KDM2B: variants seen among roughly 807,000 people sequenced by gnomAD.
KDM2B encodes the protein lysine-specific demethylase 2B.
Under a neutral mutation model 150.0 loss-of-function variants are expected in KDM2B, and 26 were observed. That is an observed-to-expected ratio of 0.17 (90% CI 0.13 to 0.24). KDM2B has a LOEUF of 0.24. Ranked by LOEUF, KDM2B falls within the 10% of genes least tolerant of loss-of-function variation. The pLI, the probability that KDM2B is intolerant of heterozygous loss-of-function variation, is 1.00. For synonymous variants in KDM2B, 734 were observed against 729.5 expected, an observed-to-expected ratio of 1.01 and a Z score of -0.10; for missense variants, 1,265 against 1,816.9, an observed-to-expected ratio of 0.70 and a Z score of 5.52.
At chr12:121,420,488 T>A in the KDM2B span, 1 of 1,574,362 alleles carries the variant, frequency 6.4e-7, no homozygotes, top group Non-Finnish European at 8.7e-7. Flanking sequence ...CTGAGATGGC[T>A]GGGAGAATAT....
At chr12:121,418,023 A>G in the KDM2B span, 1 of 1,159,102 alleles carries the variant, frequency 8.6e-7, no homozygotes. Flanking sequence ...CATGTGCTGG[A>G]GTGAAGCTTC....
At position 121,445,224 on chromosome 12, in the gene KDM2B, C is replaced by A. The variant is rs7954896; in HGVS notation, c.2103+51G>T. On this transcript the variant is annotated intron_variant, in intron 14 of 22. Transcript: ENST00000377071. ...ACCATCTCACCAGCATCTCCAGCAACCCTACCTGCCCCAGAGCGTCAGCAC... is the reference window on the plus strand; with the variant it reads ...ACCATCTCACCAGCATCTCCAGCAAACCTACCTGCCCCAGAGCGTCAGCAC... The A allele has an allele frequency of 7.8e-4, 1,239 of 1,589,698 alleles. 14 individuals are homozygous for A. The South Asian group carries it at 0.011, about 14-fold the overall frequency.
chr12:121,579,675 C>G, intron 1 of KDM2B: 1 of 1,371,486 alleles, frequency 7.3e-7, no homozygotes, highest in Non-Finnish European at 9.6e-7. Context: ...GACTCCCCCA[C>G]CACTCCCCGC....
At chr12:121,551,761 C>T (rs1889519519) in intron 4 of KDM2B, among the ~76,000 whole-genome samples, 1 of 152,146 alleles carries the variant, frequency 6.6e-6, no homozygotes, top group Admixed American at 6.6e-5. Flanking sequence ...CCATATTGGC[C>T]AGGCTGGTCT....
At chr12:121,472,848 A>G (rs554563688) in intron 12 of KDM2B, among the ~76,000 whole-genome samples, 1 of 152,304 alleles carries the variant, frequency 6.6e-6, no homozygotes, top group African/African-American at 2.4e-5. Context: ...AACCACCCCC[A>G]CATAAAAACA....
the KDM2B span, among the ~76,000 whole-genome samples, chr12:121,410,012 G>A: frequency 1.3e-5 from 2 of 151,956 alleles, no homozygotes; most frequent in Non-Finnish European, 2.9e-5. Context: ...AAAATTAGCC[G>A]GGCATGGTGG....
At chr12:121,516,045 A>C (rs564551422) in intron 9 of KDM2B, among the ~76,000 whole-genome samples, 2 of 152,278 alleles carry the variant, frequency 1.3e-5, no homozygotes, top group South Asian at 4.1e-4. Context: ...CCTATGAAGA[A>C]GGGTTTAGGG....
At chr12:121,484,713 G>A (rs1230468464) in intron 12 of KDM2B, among the ~76,000 whole-genome samples, 1 of 152,158 alleles carries the variant, frequency 6.6e-6, no homozygotes, top group African/African-American at 2.4e-5. Flanking sequence ...AGCTACTTGG[G>A]AGGCTGAGGT....
chr12:121,437,586 C>T lies in KDM2B; in HGVS notation c.3829+2271G>A, dbSNP rs1029304799. On this transcript the variant is annotated intron_variant, in intron 22 of 22. Transcript: ENST00000377071. The stretch of plus-strand genomic sequence containing the variant: ...TATTTTGAAATAGCAGAGGTAAACA[C>T]TGGAAGAAAGAATTCAAGAGTTTAA... Among the ~76,000 whole-genome samples, 5 of 152,134 alleles carry T rather than the reference C, an allele frequency of 3.3e-5. No individual in the cohort carries two copies. In the East Asian group the frequency reaches 9.6e-4, roughly 29 times the overall value.
intron 12 of KDM2B, among the ~76,000 whole-genome samples, chr12:121,475,292 A>G (rs566315762): frequency 1.4e-3 from 218 of 151,890 alleles, no homozygotes; most frequent in African/African-American, 5.0e-3. Flanking sequence ...CAAAAAAACT[A>G]TACCAAAACT....
intron 6 of KDM2B, among the ~76,000 whole-genome samples, chr12:121,541,646 A>C (rs1342647632): frequency 1.3e-5 from 2 of 152,054 alleles, no homozygotes; most frequent in Non-Finnish European, 2.9e-5. Context: ...CAATTTCCCC[A>C]GTTCCTCCTG....
intron 12 of KDM2B, among the ~76,000 whole-genome samples, chr12:121,474,107 G>C (rs1290809467): frequency 6.6e-6 from 1 of 152,182 alleles, no homozygotes; most frequent in African/African-American, 2.4e-5. Flanking sequence ...CAGCTGATGG[G>C]TACGGGGTTT....
At position 121,513,644 on chromosome 12, in the gene KDM2B, C is replaced by A. The variant is rs184902411; in HGVS notation, c.1048-242G>T. Among the ~76,000 whole-genome samples the A allele has an allele frequency of 3.5e-4, 53 of 152,180 alleles. No homozygotes were observed. Among genetic ancestry groups the A allele is most frequent in the African/African-American group, 1.3e-3 (53 of 41,518 alleles). ...TCTCAAAGGTCCCTGAGCTGCACGC[C>A]CCAGAGGTTGGATGGGGGCCACTTG... On this transcript the variant is annotated intron_variant, in intron 9 of 22. Transcript: ENST00000377071. This position sits in a 1 kb window ranked among gnomAD's most constrained non-coding sequence, Gnocchi z 5.0.
In KDM2B at chr12:121,467,412, C is replaced by A; in HGVS notation, c.1735-14068G>T. The A allele has an allele frequency of 2.2e-6, 2 of 927,892 alleles. No homozygotes were observed. Among genetic ancestry groups the A allele is most frequent in the Non-Finnish European group, 2.6e-6 (2 of 780,242 alleles). 57.5% of individuals were successfully genotyped at this position (927,892 alleles called of 1,614,324 possible). Reference sequence around the variant, plus strand: ...CGGGGAGGGGCCGGCGGGGGAGGGCCGGGGCGCCATGCATATGCATGAGGC... The same window carrying A: ...CGGGGAGGGGCCGGCGGGGGAGGGCAGGGGCGCCATGCATATGCATGAGGC... On this transcript the variant is annotated intron_variant, in intron 12 of 22. Transcript: ENST00000377071. This position sits in a 1 kb window ranked among gnomAD's most constrained non-coding sequence, Gnocchi z 5.1.
chr12:121,500,981 G>A (rs556790270), intron 11 of KDM2B, among the ~76,000 whole-genome samples: 72 of 152,294 alleles, frequency 4.7e-4, no homozygotes, highest in Non-Finnish European at 8.7e-4. Context: ...CATGCCCATA[G>A]TCCCAGCTAC....
At chr12:121,529,438 T>C (rs1555307460) in intron 8 of KDM2B, among the ~76,000 whole-genome samples, 1 of 151,848 alleles carries the variant, frequency 6.6e-6, no homozygotes, top group East Asian at 1.9e-4. Flanking sequence ...AGGTCAGAGG[T>C]GGGAAATGCC....
chr12:121,538,986 T>C (rs1435613817), intron 6 of KDM2B, among the ~76,000 whole-genome samples: 3 of 150,032 alleles, frequency 2.0e-5, no homozygotes, highest in Middle Eastern at 3.4e-3. Context: ...CCTCCCACCC[T>C]GTCCCACACC....
chr12:121,468,691 C>T lies in KDM2B; in HGVS notation c.1735-15347G>A, dbSNP rs879977419. ...AACAGAAGGGATGGGCAGGCTGGTC[C>T]TGGCCTGGCCTTTCAAAGAAGGCAG... On this transcript the variant is annotated intron_variant, in intron 12 of 22. Coordinates refer to ENST00000377071, the MANE Select transcript of KDM2B (RefSeq NM_032590.5). This position sits in a 1 kb window ranked among gnomAD's most constrained non-coding sequence, Gnocchi z 4.0. The T allele has an allele frequency of 5.3e-5, 8 of 152,132 alleles. No homozygotes were observed. The highest frequency in any genetic ancestry group is 2.0e-4 in the Admixed American group (3 of 15,268). 9.4% of individuals were successfully genotyped at this position (152,132 alleles called of 1,614,324 possible).
In KDM2B at chr12:121,509,958, GGCT is replaced by G; in HGVS notation, c.1253_1255del (p.Gln418del). 2.5e-6 allele frequency: 4 copies of G among 1,610,440 alleles called. No homozygotes were observed. Among genetic ancestry groups the G allele is most frequent in the Non-Finnish European group, 3.4e-6 (4 of 1,178,396 alleles). Reference sequence around the variant, plus strand: ...CTCGTCCTTCTCCTCCTCCTCCTGAGGCTGCTGATCACAGGCCTCCTCCTCCAT... The same window carrying G: ...CTCGTCCTTCTCCTCCTCCTCCTGAGGCTGATCACAGGCCTCCTCCTCCAT... On this transcript the variant is annotated inframe_deletion, in exon 11 of 23. Coordinates refer to ENST00000377071, the MANE Select transcript of KDM2B (RefSeq NM_032590.5).
Sources: allele counts gnomAD v4.1 joint callset (sites outside exome capture counted in the v4.1 genomes callset), GRCh38; gene constraint gnomAD v4.1.1; non-coding constraint Gnocchi (gnomAD v3.1); transcripts MANE v1.5; gene names NCBI Gene and HGNC (gene_info 2026-07-23, HGNC 2026-07-21).